The following KSR2 variants were observed in gnomAD, a reference collection of about 807,000 sequenced individuals.
The protein encoded by KSR2 is kinase suppressor of ras 2.
Under a neutral mutation model 107.8 loss-of-function variants are expected in KSR2, and 25 were observed. The ratio of observed to expected loss-of-function variants is 0.23; its 90% CI spans 0.17 to 0.32. KSR2 has a LOEUF of 0.32. Among genes scored for constraint, KSR2 ranks in the 10% least tolerant of loss-of-function variants. The pLI is 1.00. For synonymous variants in KSR2, 480 were observed against 507.0 expected (o/e 0.95, Z 0.71); for missense variants, 887 against 1,268.9 (o/e 0.70, Z 4.57).
intron 17 of KSR2, among the ~76,000 whole-genome samples, chr12:117,475,669 C>T (rs1245993826): frequency 1.3e-5 from 2 of 152,118 alleles, no homozygotes; most frequent in Non-Finnish European, 2.9e-5. Context: ...AGAGTAGGGG[C>T]CTCTGGTGGT....
chr12:117,570,648 G>T lies in KSR2; in HGVS notation c.1325+8471C>A, dbSNP rs1305325626. Among the ~76,000 whole-genome samples, 4 of 152,116 alleles carry T rather than the reference G, an allele frequency of 2.6e-5. No homozygotes were observed. The East Asian group carries it at 7.7e-4, about 29-fold the overall frequency. On this transcript the variant is annotated intron_variant, in intron 7 of 19. Coordinates refer to ENST00000339824, the MANE Select transcript of KSR2 (RefSeq NM_173598.6). ...TATACTTTGCATTCATATAAAGTCG[G>T]GTTTTGCAACGAAATAAATGCTGAA...
At chr12:117,731,402 G>C (rs182642706) in intron 4 of KSR2, among the ~76,000 whole-genome samples, 2 of 140,052 alleles carry the variant, frequency 1.4e-5, no homozygotes, top group Admixed American at 7.0e-5. Flanking sequence ...CAGCCGCCCC[G>C]TCCGGGAGGG....
intron 1 of KSR2, among the ~76,000 whole-genome samples, chr12:117,868,485 C>T (rs1893549294): frequency 6.6e-6 from 1 of 151,944 alleles, no homozygotes; most frequent in African/African-American, 2.4e-5. Context: ...TGAGCACTTC[C>T]CCCATGTGCC....
intron 4 of KSR2, among the ~76,000 whole-genome samples, chr12:117,712,878 C>G (rs537572122): frequency 6.6e-6 from 1 of 151,776 alleles, no homozygotes. Context: ...GATGATAGAT[C>G]GCTATAGATA....
intron 5 of KSR2, among the ~76,000 whole-genome samples, chr12:117,651,301 T>C (rs1883896198): frequency 6.6e-6 from 1 of 152,168 alleles, no homozygotes; most frequent in Admixed American, 6.5e-5. Flanking sequence ...CCACCCCCAA[T>C]ACCCCTGTTT....
In KSR2 at chr12:117,477,017, G is replaced by T. The variant is rs141873735; in HGVS notation, c.2451-422C>A. ...AACCCTAAAAACAACTTATCTAACA[G>T]ATTCTGTTTTATTTTACATAATAGA... On this transcript the variant is annotated intron_variant, in intron 16 of 19. Coordinates refer to ENST00000339824, the MANE Select transcript of KSR2 (RefSeq NM_173598.6). Among the ~76,000 whole-genome samples the T allele has an allele frequency of 2.3e-3, 356 of 152,310 alleles. 3 individuals carry two copies. Among genetic ancestry groups the T allele is most frequent in the African/African-American group, 8.3e-3 (343 of 41,568 alleles).
rs534797056 is a variant in KSR2, at chr12:117,868,873, C to G, written c.181-8442G>C. 2.0e-5 allele frequency among the ~76,000 whole-genome samples: 3 copies of G among 152,106 alleles called. No homozygotes were observed. In the South Asian group the frequency reaches 6.2e-4, roughly 32 times the overall value. On this transcript the variant is annotated intron_variant, in intron 1 of 19. Transcript: ENST00000339824. ...TCAAGCGAGTCTCCTGCCTCAGCCT[C>G]CCGAGTAGGTGGGACCACAGGTGCG... is the stretch of plus-strand genomic sequence containing the variant.
intron 4 of KSR2, among the ~76,000 whole-genome samples, chr12:117,757,118 G>A (rs1016118673): frequency 1.3e-5 from 2 of 151,558 alleles, no homozygotes; most frequent in African/African-American, 2.4e-5. Context: ...AAGAACATTC[G>A]TGATCCATGG....
chr12:117,708,593 T>C (rs906722932), intron 4 of KSR2, among the ~76,000 whole-genome samples: 3 of 152,198 alleles, frequency 2.0e-5, no homozygotes, highest in African/African-American at 7.2e-5. Flanking sequence ...GATGATAGTA[T>C]TGCCAGAGAA....
At chr12:117,946,393 A>G (rs1215332627) in intron 1 of KSR2, among the ~76,000 whole-genome samples, 1 of 152,168 alleles carries the variant, frequency 6.6e-6, no homozygotes, top group Non-Finnish European at 1.5e-5. Context: ...AAGAACGAAA[A>G]GAGGAGTATC....
chr12:117,680,412 C>T (rs1393657137), intron 4 of KSR2, among the ~76,000 whole-genome samples: 1 of 152,156 alleles, frequency 6.6e-6, no homozygotes, highest in Non-Finnish European at 1.5e-5. Context: ...CTGCACCGGA[C>T]AAAGCAGGTA....
chr12:117,652,349 C>T (rs1883940689), intron 5 of KSR2, among the ~76,000 whole-genome samples: 1 of 152,166 alleles, frequency 6.6e-6, no homozygotes, highest in Admixed American at 6.5e-5. Flanking sequence ...AATACTCTGA[C>T]TCATGTAGAT....
intron 9 of KSR2, 88 bp downstream of exon 9, chr12:117,555,081 T>C: frequency 2.0e-6 from 3 of 1,523,040 alleles, no homozygotes; most frequent in Non-Finnish European, 2.7e-6. Context: ...GGGAGCGCCA[T>C]ACTCCCAGAT....
intron 5 of KSR2, among the ~76,000 whole-genome samples, chr12:117,603,808 G>A (rs1517194): frequency 6.6e-6 from 1 of 151,990 alleles, no homozygotes; most frequent in Non-Finnish European, 1.5e-5. Flanking sequence ...GGTCAGACAC[G>A]CCTCATTAAA....
rs144276980 is a variant in KSR2, at chr12:117,607,640, CGGAGA to C, written c.1172-25286_1172-25282del. ...ACCCCGCCTGCATCCACAGACCTCC[CGGAGA>C]GGGGAGGAAAGGAGAGGAGAGGAGA... is the stretch of plus-strand genomic sequence containing the variant. On this transcript the variant is annotated intron_variant, in intron 5 of 19. Coordinates refer to ENST00000339824, the MANE Select transcript of KSR2 (RefSeq NM_173598.6). 5.5e-3 allele frequency among the ~76,000 whole-genome samples: 563 copies of C among 102,046 alleles called. 13 individuals carry two copies. Among genetic ancestry groups the C allele is most frequent in the East Asian group, 0.029 (76 of 2,584 alleles). The allele number at this position is 102,046 out of a possible 152,430, so 66.9% of individuals were successfully genotyped here.
At chr12:117,600,494 T>C (rs11068567) in intron 5 of KSR2, among the ~76,000 whole-genome samples, 8,999 of 152,166 alleles carry the variant, frequency 0.059, 809 homozygotes, top group African/African-American at 0.19. Flanking sequence ...CCTATTCTTG[T>C]AGAAAGGAAC....
At chr12:117,860,238 G>A (rs1276662361) in intron 2 of KSR2, 53 bp downstream of exon 2, 3 of 1,571,402 alleles carry the variant, frequency 1.9e-6, no homozygotes, top group Admixed American at 1.7e-5. Context: ...AGCAACACAG[G>A]GGGTAGCTGC....
intron 15 of KSR2, 44 bp from the exon 16 acceptor site, chr12:117,484,593 G>C (rs1005432345): frequency 1.2e-6 from 2 of 1,605,536 alleles, no homozygotes; most frequent in African/African-American, 2.7e-5. Context: ...AAAAACCTAA[G>C]AGCTTGCTGC....
chr12:117,711,614 T>C (rs1886785383), intron 4 of KSR2, among the ~76,000 whole-genome samples: 1 of 152,150 alleles, frequency 6.6e-6, no homozygotes, highest in Non-Finnish European at 1.5e-5. Context: ...TTGCTATCCT[T>C]CCTAGGAAGA....
Sources: allele counts gnomAD v4.1 joint callset (sites outside exome capture counted in the v4.1 genomes callset), GRCh38; gene constraint gnomAD v4.1.1; transcripts MANE v1.5; gene names NCBI Gene and HGNC (gene_info 2026-07-23, HGNC 2026-07-21).